TLE4: variants seen among roughly 807,000 people sequenced by gnomAD.
TLE4 encodes transducin-like enhancer protein 4.
A neutral mutation model predicts 92.8 loss-of-function variants in TLE4; 8 were observed. That is an observed-to-expected ratio of 0.09 (90% CI 0.05 to 0.16). The LOEUF is 0.16. TLE4 is among the 10% of genes least tolerant of loss of function. The probability of loss-of-function intolerance (pLI) is 1.00; values close to 1 mark genes in which losing one functional copy is unlikely to be tolerated. For synonymous variants in TLE4, 371 were observed against 374.1 expected (o/e 0.99, Z 0.10); for missense variants, 675 against 997.6 (o/e 0.68, Z 4.36).
intron 6 of TLE4, among the ~76,000 whole-genome samples, chr9:79,631,112 A>G (rs988606352): frequency 3.3e-5 from 5 of 152,228 alleles, no homozygotes; most frequent in Non-Finnish European, 5.9e-5. Flanking sequence ...CTCAATTTTT[A>G]GCAGTGACAT....
At chr9:79,647,540 G>A (rs892269679) in intron 6 of TLE4, among the ~76,000 whole-genome samples, 1 of 152,116 alleles carries the variant, frequency 6.6e-6, no homozygotes, top group Non-Finnish European at 1.5e-5. Flanking sequence ...TATAGTACAA[G>A]CAGCTTTTTT....
At chr9:79,678,852 A>G (rs1255182811) in intron 8 of TLE4, among the ~76,000 whole-genome samples, 3 of 146,280 alleles carry the variant, frequency 2.1e-5, no homozygotes, top group East Asian at 4.0e-4. Context: ...ATTCCCATCC[A>G]TGAGTGAGAA....
intron 8 of TLE4, among the ~76,000 whole-genome samples, chr9:79,669,796 A>G (rs1261458437): frequency 2.0e-5 from 3 of 152,332 alleles, no homozygotes; most frequent in Admixed American, 1.3e-4. Flanking sequence ...GAATGGCCCA[A>G]TTGTTTTAGT....
chr9:79,602,149 G>A (rs2045809171), intron 4 of TLE4, among the ~76,000 whole-genome samples: 1 of 152,194 alleles, frequency 6.6e-6, no homozygotes, highest in Admixed American at 6.5e-5. Context: ...GCAGAGGTTG[G>A]TTCATTAAGT....
chr9:79,709,708 C>CT lies in TLE4; in HGVS notation c.1340+14dup. The CT allele has an allele frequency of 6.2e-7, 1 of 1,613,690 alleles. No homozygotes were observed. The highest frequency in any genetic ancestry group is 8.5e-7 in the Non-Finnish European group (1 of 1,179,710). The stretch of plus-strand genomic sequence containing the variant: ...ATTCCAGGAGGAAAACCGTGAGTAC[C>CT]TTTTTGCCTCTGTGCTCATTGTGTG... On this transcript the variant is annotated intron_variant, in intron 14 of 19. Transcript: ENST00000376552.
At position 79,673,667 on chromosome 9, in the gene TLE4, A is replaced by G. The variant is rs79296451; in HGVS notation, c.609+19592A>G. Among the ~76,000 whole-genome samples the G allele has an allele frequency of 3.7e-3, 566 of 152,266 alleles. 3 individuals are homozygous for G. The highest frequency in any genetic ancestry group is 6.0e-3 in the Non-Finnish European group (406 of 68,030). On this transcript the variant is annotated intron_variant, in intron 8 of 19. Coordinates refer to ENST00000376552, the MANE Select transcript of TLE4 (RefSeq NM_007005.6). ...GCCTATTTTAGTTTCTTATACTTTT[A>G]TACCTAAAAAGTTTTTCTTGCATTT...
In TLE4 at chr9:79,666,196, T is replaced by G. The variant is rs146157952; in HGVS notation, c.609+12121T>G. 2.5e-3 allele frequency among the ~76,000 whole-genome samples: 280 copies of G among 112,852 alleles called. 3 individuals are homozygous for G. Among genetic ancestry groups the G allele is most frequent in the African/African-American group, 8.2e-3 (262 of 31,850 alleles). The allele number at this position is 112,852 out of a possible 152,430, so 74.0% of individuals were successfully genotyped here. Reference sequence around the variant, plus strand: ...GTGTGTGTGTGTGTGTGTGTGTGTGTGGGTGGGGTTTTTTTTTTTTGTTTT... The same window carrying G: ...GTGTGTGTGTGTGTGTGTGTGTGTGGGGGTGGGGTTTTTTTTTTTTGTTTT... On this transcript the variant is annotated intron_variant, in intron 8 of 19. Coordinates refer to ENST00000376552, the MANE Select transcript of TLE4 (RefSeq NM_007005.6).
chr9:79,594,143 C>T (rs1250489838), intron 4 of TLE4, among the ~76,000 whole-genome samples: 3 of 152,144 alleles, frequency 2.0e-5, no homozygotes, highest in Admixed American at 1.3e-4. Flanking sequence ...TGAGGACCAG[C>T]GAACTAGAGC....
intron 6 of TLE4, among the ~76,000 whole-genome samples, chr9:79,642,629 A>G (rs1210821796): frequency 6.6e-6 from 1 of 152,176 alleles, no homozygotes; most frequent in Non-Finnish European, 1.5e-5. Flanking sequence ...GCTTAGAAGT[A>G]CAATTACTAA....
chr9:79,722,405 G>C (rs1325609092), intron 17 of TLE4, 46 bp from the exon 18 acceptor site: 1 of 1,602,342 alleles, frequency 6.2e-7, no homozygotes, highest in East Asian at 2.2e-5. Context: ...GATAAAAGAA[G>C]CGTGTCCACT....
chr9:79,622,443 A>T (rs539449740), intron 5 of TLE4, among the ~76,000 whole-genome samples: 1 of 152,234 alleles, frequency 6.6e-6, no homozygotes, highest in South Asian at 2.1e-4. Context: ...TCATCTACAG[A>T]ATTCCTGGAA....
intron 4 of TLE4, among the ~76,000 whole-genome samples, chr9:79,595,672 C>T (rs911940203): frequency 1.3e-5 from 2 of 151,920 alleles, no homozygotes; most frequent in Admixed American, 6.6e-5. Context: ...GTGGTCTGGA[C>T]GTATGTAGCA....
In TLE4 at chr9:79,718,753, C is replaced by G; in HGVS notation, c.1372C>G (p.Gln458Glu). ...AYSFHVSADG[Q>E]MQPVPFPPDA... is the part of the protein sequence containing the mutation. The stretch of plus-strand genomic sequence containing the variant: ...CTCCTTCCATGTTAGCGCAGATGGT[C>G]AGATGCAGCCTGTCCCTTTTCCACC... Residue 458 changes from glutamine to glutamate, a missense_variant, in exon 15 of 20, where the codon CAG becomes GAG. Physicochemically the swap from Gln to Glu is conservative, Grantham distance 29. Coordinates refer to ENST00000376552, the MANE Select transcript of TLE4 (RefSeq NM_007005.6). The G allele has an allele frequency of 6.2e-7, 1 of 1,614,124 alleles. No homozygotes were observed. The highest frequency in any genetic ancestry group is 2.2e-5 in the East Asian group (1 of 44,874).
intron 8 of TLE4, among the ~76,000 whole-genome samples, chr9:79,667,526 A>G (rs2061596157): frequency 6.6e-6 from 1 of 152,236 alleles, no homozygotes; most frequent in African/African-American, 2.4e-5. Context: ...ATATGTATAT[A>G]AAACATTAAA....
chr9:79,713,143 A>G (rs981556492), intron 14 of TLE4, among the ~76,000 whole-genome samples: 9 of 152,220 alleles, frequency 5.9e-5, no homozygotes, highest in African/African-American at 2.2e-4. Context: ...CTTGTGACAC[A>G]TTGGAAATGT....
chr9:79,687,771 G>A (rs1564922916), intron 8 of TLE4, among the ~76,000 whole-genome samples: 1 of 152,170 alleles, frequency 6.6e-6, no homozygotes, highest in Non-Finnish European at 1.5e-5. Flanking sequence ...AAAATCAGAG[G>A]CCTGTCTTCA....
chr9:79,664,706 C>T (rs1013267680), intron 8 of TLE4, among the ~76,000 whole-genome samples: 2 of 152,164 alleles, frequency 1.3e-5, no homozygotes, highest in Non-Finnish European at 2.9e-5. Flanking sequence ...CTCCTGCCTC[C>T]CGCTGCCACT....
chr9:79,644,276 T>C (rs565689912), intron 6 of TLE4, among the ~76,000 whole-genome samples: 1 of 152,108 alleles, frequency 6.6e-6, no homozygotes, highest in Non-Finnish European at 1.5e-5. Context: ...CCTTCCACCA[T>C]GATTTTAAGC....
intron 8 of TLE4, among the ~76,000 whole-genome samples, chr9:79,689,150 A>T (rs2066502597): frequency 6.6e-6 from 1 of 152,094 alleles, no homozygotes; most frequent in Non-Finnish European, 1.5e-5. Context: ...TGATGAATTC[A>T]GACTGCAAAA....
Sources: gnomAD v4.1 joint callset for allele counts (sites outside exome capture counted in the v4.1 genomes callset) on GRCh38, gnomAD v4.1.1 for gene constraint, MANE v1.5 for transcripts, NCBI Gene and HGNC (gene_info 2026-07-23, HGNC 2026-07-21) for gene names.